The following VDAC3 variants were observed in gnomAD, a reference collection of about 807,000 sequenced individuals.
VDAC3 encodes non-selective voltage-gated ion channel VDAC3.
In VDAC3, 7 loss-of-function variants were observed where a neutral mutation model predicts 33.9. The ratio of observed to expected loss-of-function variants is 0.21; its 90% CI spans 0.12 to 0.39. The LOEUF is 0.39. VDAC3 is among the 10% of genes least tolerant of loss of function. The probability of loss-of-function intolerance (pLI) is 1.00; values close to 1 mark genes in which losing one functional copy is unlikely to be tolerated. For synonymous variants in VDAC3, 100 were observed against 122.4 expected (o/e 0.82, Z 1.21); for missense variants, 261 against 334.5 (o/e 0.78, Z 1.71).
At position 42,401,765 on chromosome 8, in the gene VDAC3, T is replaced by TTTTG. The variant is rs767619912; in HGVS notation, c.324-11_324-8dup. 4.4e-6 allele frequency: 7 copies of TTTTG among 1,608,580 alleles called. No homozygotes were observed. The Admixed American group carries it at 1.2e-4, about 27-fold the overall frequency. On this transcript the variant is annotated intron_variant, in intron 6 of 9. Transcript: ENST00000022615. ...AACTCATGTTGTTTTCATCATTTGC[T>TTTTG]TTTGTTTGTTTGTTTATTGCAGAAA...
chr8:42,401,073 A>G (rs1483397768), intron 6 of VDAC3, among the ~76,000 whole-genome samples: 1 of 152,188 alleles, frequency 6.6e-6, no homozygotes, highest in South Asian at 2.1e-4. Context: ...ATAGGTTAAT[A>G]ATGTATATTG....
chr8:42,400,898 G>C (rs980430452), intron 6 of VDAC3, among the ~76,000 whole-genome samples: 1 of 151,744 alleles, frequency 6.6e-6, no homozygotes, highest in Non-Finnish European at 1.5e-5. Flanking sequence ...TCTTGACCTC[G>C]TGTTCCGCCT....
intron 5 of VDAC3, 51 bp downstream of exon 5, chr8:42,398,915 T>G: frequency 6.3e-7 from 1 of 1,596,756 alleles, no homozygotes; most frequent in Non-Finnish European, 8.6e-7. Context: ...TCTTGTAGAT[T>G]GAATGATGAA....
intron 7 of VDAC3, 38 bp from the exon 8 acceptor site, chr8:42,403,273 A>G: frequency 6.2e-7 from 1 of 1,611,308 alleles, no homozygotes; most frequent in Non-Finnish European, 8.5e-7. Flanking sequence ...AATGGTACAA[A>G]CTAGATATTT....
At chr8:42,394,708 TTTAAC>T (rs987031256) in intron 3 of VDAC3, among the ~76,000 whole-genome samples, 6 of 152,166 alleles carry the variant, frequency 3.9e-5, no homozygotes, top group Non-Finnish European at 5.9e-5. Context: ...GGTTTTAAAA[TTTAAC>T]TTAAATTTAT....
Position 42,401,765 on chromosome 8 carries a change from TTTTG to T in VDAC3, c.324-11_324-8del, listed in dbSNP as rs767619912. ...AACTCATGTTGTTTTCATCATTTGC[TTTTG>T]TTTGTTTGTTTATTGCAGAAAGAAG... is the stretch of plus-strand genomic sequence containing the variant. On this transcript the variant is annotated intron_variant, in intron 6 of 9. Coordinates refer to ENST00000022615, the MANE Select transcript of VDAC3 (RefSeq NM_005662.7). The T allele has an allele frequency of 1.2e-6, 2 of 1,608,626 alleles. No individual in the cohort carries two copies. The highest frequency in any genetic ancestry group is 1.7e-6 in the Non-Finnish European group (2 of 1,175,256).
At chr8:42,403,901 T>C (rs1802457119) in intron 8 of VDAC3, among the ~76,000 whole-genome samples, 1 of 150,846 alleles carries the variant, frequency 6.6e-6, no homozygotes, top group Admixed American at 6.6e-5. Context: ...AAAAAAATTA[T>C]GCTTGACGTC....
chr8:42,392,893 AG>A (rs1216887295), intron 1 of VDAC3, among the ~76,000 whole-genome samples: 3 of 152,248 alleles, frequency 2.0e-5, no homozygotes, highest in Non-Finnish European at 2.9e-5. Flanking sequence ...GTAATCATAA[AG>A]AGTAATATCA....
chr8:42,400,328 CAAA>C (rs556195091), intron 6 of VDAC3, among the ~76,000 whole-genome samples: 3 of 110,648 alleles, frequency 2.7e-5, no homozygotes, highest in Non-Finnish European at 3.8e-5. Flanking sequence ...GACTCTGTCT[CAAA>C]AAAAAAAAAA....
Position 42,405,402 on chromosome 8 carries a change from T to C in VDAC3, c.792T>C (p.Asp264=). Residue 264 remains aspartate (D), a synonymous_variant, in exon 10 of 10, where the codon GAT becomes GAC. Transcript: ENST00000022615. ...GVKLTLSALI[D]GKNFSAGGHK... ...AATTGACTTTATCAGCTTTAATCGA[T>C]GGGAAGAACTTCAGTGCAGGAGGTC... The C allele has an allele frequency of 6.2e-7, 1 of 1,612,932 alleles. No individual in the cohort carries two copies. Among genetic ancestry groups the C allele is most frequent in the Non-Finnish European group, 8.5e-7 (1 of 1,179,990 alleles).
intron 3 of VDAC3, 35 bp from the exon 4 acceptor site, chr8:42,395,040 CACATTTTGT>C: frequency 6.2e-7 from 1 of 1,611,116 alleles, no homozygotes; most frequent in Non-Finnish European, 8.5e-7. Flanking sequence ...TAGTGAATGT[CACATTTTGT>C]ACATTACTGT....
intron 3 of VDAC3, 67 bp from the exon 4 acceptor site, chr8:42,395,017 G>C (rs1055102182): frequency 2.6e-5 from 41 of 1,597,768 alleles, no homozygotes; most frequent in Admixed American, 3.3e-5. Flanking sequence ...CATAATTTCT[G>C]AGTTGCAAAA....
At chr8:42,399,796 C>G in intron 6 of VDAC3, 93 bp downstream of exon 6, 1 of 1,195,168 alleles carries the variant, frequency 8.4e-7, no homozygotes, top group South Asian at 1.3e-5. Context: ...AGTTCAGAGG[C>G]AGGAAGAACT....
chr8:42,405,252 G>C, intron 9 of VDAC3, 119 bp from the exon 10 acceptor site: 1 of 773,948 alleles, frequency 1.3e-6, no homozygotes, highest in Non-Finnish European at 2.1e-6. Context: ...ATAGCTGTTT[G>C]CTTATAGCTC....
chr8:42,401,983 C>CA lies in VDAC3; in HGVS notation c.521dup (p.Ala175GlyfsTer15), dbSNP rs1338269044. 1 of 1,614,228 alleles carries CA rather than the reference C, an allele frequency of 6.2e-7. No homozygotes were observed. Among genetic ancestry groups the CA allele is most frequent in the Non-Finnish European group, 8.5e-7 (1 of 1,180,034 alleles). On this transcript the variant is annotated frameshift_variant, in exon 7 of 10. Coordinates refer to ENST00000022615, the MANE Select transcript of VDAC3 (RefSeq NM_005662.7). LOFTEE classifies it high-confidence loss of function. ...CACAGAATAATTTCGCCCTGGGTTA[C>CA]AAGGCTGCGGACTTCCAGCTGCACA...
In VDAC3 at chr8:42,403,419, C is replaced by T. The variant is rs1802450185; in HGVS notation, c.660C>T (p.Gly220=). The change falls in exon 8 of 10, where the codon GGC becomes GGT. Residue 220 remains glycine (G), a synonymous_variant. Transcript: ENST00000022615. ...CTGGGAGTAACAACACCCGTTTTGG[C>T]ATTGCTGCTAAGTACATGCTGGATT... ...WTAGSNNTRF[G]IAAKYMLDCR... The T allele has an allele frequency of 6.2e-7, 1 of 1,609,118 alleles. No individual in the cohort carries two copies. Among genetic ancestry groups the T allele is most frequent in the Admixed American group, 1.7e-5 (1 of 58,908 alleles).
intron 1 of VDAC3, among the ~76,000 whole-genome samples, chr8:42,392,369 G>C (rs1429370699): frequency 6.6e-6 from 1 of 152,126 alleles, no homozygotes; most frequent in East Asian, 1.9e-4. Context: ...TAGTGGCTTT[G>C]TAAAGCAGTA....
rs761409093 is a variant in VDAC3, at chr8:42,405,492, C to T, written c.*30C>T. The T allele has an allele frequency of 2.5e-6, 4 of 1,580,656 alleles. No homozygotes were observed. Among genetic ancestry groups the T allele is most frequent in the Non-Finnish European group, 2.6e-6 (3 of 1,153,836 alleles). On this transcript the variant is annotated 3_prime_UTR_variant, in exon 10 of 10. Transcript: ENST00000022615. ...GTTTGAGGAAAGCATCAGATTTGTC[C>T]CTGGAAGTGAAGAGAAATGAACCCA... is the stretch of plus-strand genomic sequence containing the variant.
chr8:42,401,984 A>G lies in VDAC3; in HGVS notation c.520A>G (p.Lys174Glu), dbSNP rs779015924. The change falls in exon 7 of 10, where the codon AAG becomes GAG. Residue 174 changes from lysine (K) to glutamate (E), a missense_variant. Coordinates refer to ENST00000022615, the MANE Select transcript of VDAC3 (RefSeq NM_005662.7). Reference sequence around the variant, plus strand: ...ACAGAATAATTTCGCCCTGGGTTACAAGGCTGCGGACTTCCAGCTGCACAC... The same window carrying G: ...ACAGAATAATTTCGCCCTGGGTTACGAGGCTGCGGACTTCCAGCTGCACAC... ...LSQNNFALGY[K>E]AADFQLHTHV... 58 of 1,614,118 alleles carry G rather than the reference A, an allele frequency of 3.6e-5. No homozygotes were observed. Among genetic ancestry groups the G allele is most frequent in the Non-Finnish European group, 4.1e-5 (48 of 1,180,046 alleles).
Sources: allele counts gnomAD v4.1 joint callset (sites outside exome capture counted in the v4.1 genomes callset), GRCh38; gene constraint gnomAD v4.1.1; transcripts MANE v1.5; gene names NCBI Gene and HGNC (gene_info 2026-07-23, HGNC 2026-07-21).